The following C1QC variants were observed in gnomAD, a reference collection of about 807,000 sequenced individuals.
The protein encoded by C1QC is complement C1q subcomponent subunit C.
In C1QC, 4 loss-of-function variants were observed where a neutral mutation model predicts 5.9. The ratio of observed to expected loss-of-function variants is 0.68; its 90% CI spans 0.33 to 1.55. The LOEUF (loss-of-function observed/expected upper bound fraction) is 1.55. Ranked by LOEUF, C1QC falls within the 40% of genes most tolerant of loss-of-function variation. The probability of loss-of-function intolerance (pLI) is 0.06; values close to 1 mark genes in which losing one functional copy is unlikely to be tolerated. For synonymous variants in C1QC, 166 were observed against 153.8 expected, an observed-to-expected ratio of 1.08 and a Z score of -0.59; for missense variants, 299 against 326.9, an observed-to-expected ratio of 0.91 and a Z score of 0.66.
chr1:22,646,923 C>T (rs576919457), intron 2 of C1QC, among the ~76,000 whole-genome samples: 12 of 152,202 alleles, frequency 7.9e-5, no homozygotes, highest in South Asian at 2.1e-4. Flanking sequence ...TCTGTGATCC[C>T]GCCCAGCTCT....
At chr1:22,645,483 C>G (rs749218922) in intron 2 of C1QC, among the ~76,000 whole-genome samples, 2 of 152,204 alleles carry the variant, frequency 1.3e-5, no homozygotes, top group Non-Finnish European at 2.9e-5. Context: ...CAGTGGGATC[C>G]TGTCCAACTC....
Position 22,647,815 on chromosome 1 carries a change from T to G in C1QC, c.*32T>G. 1 of 1,598,414 alleles carries G rather than the reference T, an allele frequency of 6.3e-7. No homozygotes were observed. Among genetic ancestry groups the G allele is most frequent in the South Asian group, 1.1e-5 (1 of 91,016 alleles). The stretch of plus-strand genomic sequence containing the variant: ...CAGATGCGCTCGAGCCCCACGGGCC[T>G]TCCACCTCCCTCAGCTTCCTGCATG... On this transcript the variant is annotated 3_prime_UTR_variant, in exon 3 of 3. Coordinates refer to ENST00000374640, the MANE Select transcript of C1QC (RefSeq NM_172369.5).
intron 2 of C1QC, among the ~76,000 whole-genome samples, chr1:22,646,222 G>A (rs1269394277): frequency 2.0e-5 from 3 of 152,194 alleles, no homozygotes; most frequent in Non-Finnish European, 2.9e-5. Flanking sequence ...TGGGCTGAAT[G>A]GGGCTGGGGT....
chr1:22,645,915 C>T (rs1382800173), intron 2 of C1QC, among the ~76,000 whole-genome samples: 1 of 152,060 alleles, frequency 6.6e-6, no homozygotes, highest in East Asian at 1.9e-4. Flanking sequence ...TGACGGAAGT[C>T]AGAGGAGGAA....
chr1:22,644,458 G>A (rs1458972344), intron 2 of C1QC, among the ~76,000 whole-genome samples: 1 of 152,166 alleles, frequency 6.6e-6, no homozygotes, highest in East Asian at 1.9e-4. Context: ...TTATAGGGAG[G>A]GAATAAGAGC....
At position 22,647,818 on chromosome 1, in the gene C1QC, C is replaced by A. The variant is rs372939501; in HGVS notation, c.*35C>A. 3.2e-5 allele frequency: 51 copies of A among 1,598,042 alleles called. No individual in the cohort carries two copies. The highest frequency in any genetic ancestry group is 4.2e-5 in the Non-Finnish European group (49 of 1,179,742). ...ATGCGCTCGAGCCCCACGGGCCTTC[C>A]ACCTCCCTCAGCTTCCTGCATGGAC... On this transcript the variant is annotated 3_prime_UTR_variant, in exon 3 of 3. Coordinates refer to ENST00000374640, the MANE Select transcript of C1QC (RefSeq NM_172369.5).
At chr1:22,644,903 A>C (rs923908140) in intron 2 of C1QC, among the ~76,000 whole-genome samples, 1 of 152,096 alleles carries the variant, frequency 6.6e-6, no homozygotes, top group Non-Finnish European at 1.5e-5. Context: ...CTTCTGTTGG[A>C]GGTCCACAGG....
At chr1:22,645,067 C>A (rs72877151) in intron 2 of C1QC, among the ~76,000 whole-genome samples, 1 of 151,946 alleles carries the variant, frequency 6.6e-6, no homozygotes, top group Non-Finnish European at 1.5e-5. Context: ...TGACACTGAG[C>A]GGAGGTGATG....
chr1:22,647,891 C>G lies in C1QC; in HGVS notation c.*108C>G, dbSNP rs1266963385. On this transcript the variant is annotated 3_prime_UTR_variant, in exon 3 of 3. Transcript: ENST00000374640. Reference sequence around the variant, plus strand: ...TCCTTGCCTAGACCATTCTCCCCACCAGATGGACTTCTCCTCCAGGGAGCC... The same window carrying G: ...TCCTTGCCTAGACCATTCTCCCCACGAGATGGACTTCTCCTCCAGGGAGCC... The G allele has an allele frequency of 1.5e-6, 1 of 652,394 alleles. No individual in the cohort carries two copies. The highest frequency in any genetic ancestry group is 2.0e-6 in the Non-Finnish European group (1 of 489,762). 40.4% of individuals were successfully genotyped at this position (652,394 alleles called of 1,614,324 possible).
rs1642312604 is a variant in C1QC, at chr1:22,643,645, C to G, written c.-83C>G. 1 of 1,054,990 alleles carries G rather than the reference C, an allele frequency of 9.5e-7. No individual in the cohort carries two copies. Among genetic ancestry groups the G allele is most frequent in the South Asian group, 4.3e-5 (1 of 23,302 alleles). 65.4% of individuals were successfully genotyped at this position (1,054,990 alleles called of 1,614,324 possible). ...GCTCTGACCACTCAGACACCGTGTCCTCTTGCCTGGGAGAGGGGAAGCAGA... is the reference window on the plus strand; with the variant it reads ...GCTCTGACCACTCAGACACCGTGTCGTCTTGCCTGGGAGAGGGGAAGCAGA... On this transcript the variant is annotated 5_prime_UTR_variant, in exon 1 of 3. Coordinates refer to ENST00000374640, the MANE Select transcript of C1QC (RefSeq NM_172369.5).
chr1:22,646,214 G>C (rs1642367523), intron 2 of C1QC, among the ~76,000 whole-genome samples: 2 of 152,208 alleles, frequency 1.3e-5, no homozygotes, highest in South Asian at 4.1e-4. Context: ...GGCTGACGTG[G>C]GCTGAATGGG....
intron 2 of C1QC, 49 bp downstream of exon 2, chr1:22,644,253 G>A (rs1415468091): frequency 1.3e-6 from 2 of 1,511,730 alleles, no homozygotes; most frequent in Non-Finnish European, 1.8e-6. Context: ...GCAGGGATCA[G>A]AGTGTCTGTC....
At chr1:22,645,322 C>T (rs1268783060) in intron 2 of C1QC, among the ~76,000 whole-genome samples, 1 of 152,096 alleles carries the variant, frequency 6.6e-6, no homozygotes, top group Non-Finnish European at 1.5e-5. Context: ...CTGATGGCCA[C>T]CCGTGATTGA....
chr1:22,648,092 A>C lies in C1QC; in HGVS notation c.*309A>C. 3 of 411,912 alleles carry C rather than the reference A, an allele frequency of 7.3e-6. No individual in the cohort carries two copies. Among genetic ancestry groups the C allele is most frequent in the African/African-American group, 2.0e-5 (1 of 49,230 alleles). The allele number at this position is 411,912 out of a possible 1,614,324, so 25.5% of individuals were successfully genotyped here. A position where few individuals can be genotyped will look rare whatever the true frequency, so the allele number is the denominator to read the frequency against. On this transcript the variant is annotated 3_prime_UTR_variant, in exon 3 of 3. Coordinates refer to ENST00000374640, the MANE Select transcript of C1QC (RefSeq NM_172369.5). ...AAGGGGTGGGGAGATATATAAATAA[A>C]TCATGAAATCAATACATATGCCTGG... is the stretch of plus-strand genomic sequence containing the variant.
intron 2 of C1QC, among the ~76,000 whole-genome samples, chr1:22,645,660 A>G (rs1207687991): frequency 3.3e-5 from 5 of 152,162 alleles, no homozygotes; most frequent in African/African-American, 1.2e-4. Context: ...ACTCCAGAGC[A>G]CGCTTCCTAT....
rs1288696391 is a variant in C1QC at position 22,648,043 on chromosome 1, T to C, written c.*260T>C. 49 of 184,094 alleles carry C rather than the reference T, an allele frequency of 2.7e-4. No individual in the cohort carries two copies. The highest frequency in any genetic ancestry group is 3.5e-4 in the Non-Finnish European group (42 of 121,220). 11.4% of individuals were successfully genotyped at this position (184,094 alleles called of 1,614,324 possible). On this transcript the variant is annotated 3_prime_UTR_variant, in exon 3 of 3. Coordinates refer to ENST00000374640, the MANE Select transcript of C1QC (RefSeq NM_172369.5). ...AATGCCTTCTGGTACTGCCATTCTT[T>C]TTTTTTTTTTTTTCAAGTATTGGAA... is the stretch of plus-strand genomic sequence containing the variant.
rs761348911 is a variant in C1QC at position 22,647,821 on chromosome 1, C to T, written c.*38C>T. On this transcript the variant is annotated 3_prime_UTR_variant, in exon 3 of 3. Coordinates refer to ENST00000374640, the MANE Select transcript of C1QC (RefSeq NM_172369.5). ...CGCTCGAGCCCCACGGGCCTTCCAC[C>T]TCCCTCAGCTTCCTGCATGGACCCA... 1.3e-6 allele frequency: 2 copies of T among 1,597,936 alleles called. No homozygotes were observed. Among genetic ancestry groups the T allele is most frequent in the Middle Eastern group, 2.0e-4 (1 of 4,958 alleles).
chr1:22,643,679 C>T lies in C1QC; in HGVS notation c.-49C>T. ...GGGAGAGGGGAAGCAGATCTGAGGA[C>T]ATCTCTGTGCCAGGCCAGAAACCGC... On this transcript the variant is annotated 5_prime_UTR_variant, in exon 1 of 3. Coordinates refer to ENST00000374640, the MANE Select transcript of C1QC (RefSeq NM_172369.5). 8.9e-7 allele frequency: 1 copy of T among 1,126,766 alleles called. No individual in the cohort carries two copies. The highest frequency in any genetic ancestry group is 1.1e-6 in the Non-Finnish European group (1 of 919,810). 69.8% of individuals were successfully genotyped at this position (1,126,766 alleles called of 1,614,324 possible).
At chr1:22,647,130 A>ACC (rs1557605757) in intron 2 of C1QC, 97 bp from the exon 3 acceptor site, 1 of 1,413,714 alleles carries the variant, frequency 7.1e-7, no homozygotes, top group Non-Finnish European at 9.7e-7. Flanking sequence ...GATTCTAGAG[A>ACC]CCAAATGCCA....
Sources: gnomAD v4.1 joint callset for allele counts (sites outside exome capture counted in the v4.1 genomes callset) on GRCh38, gnomAD v4.1.1 for gene constraint, MANE v1.5 for transcripts, NCBI Gene and HGNC (gene_info 2026-07-23, HGNC 2026-07-21) for gene names.